The following IMPG1 variants were observed in gnomAD, a reference collection of about 807,000 sequenced individuals.
The protein encoded by IMPG1 is interphotoreceptor matrix proteoglycan of 150 kDa.
Under a neutral mutation model 92.0 loss-of-function variants are expected in IMPG1, and 85 were observed. The observed-to-expected ratio is 0.92, with a 90% CI of 0.78 to 1.11. IMPG1 has a LOEUF of 1.11. IMPG1 is among the 50% of genes least tolerant of loss of function. The pLI, the probability that IMPG1 is intolerant of heterozygous loss-of-function variation, is 0.00. For synonymous variants in IMPG1, 367 were observed against 334.1 expected (o/e 1.10, Z -1.08); for missense variants, 1,022 against 956.0 (o/e 1.07, Z -0.91).
intron 1 of IMPG1, among the ~76,000 whole-genome samples, chr6:76,044,035 C>G (rs1475633611): frequency 1.3e-5 from 2 of 152,178 alleles, no homozygotes; most frequent in African/African-American, 4.8e-5. Flanking sequence ...AATTACAAGG[C>G]AGGGAACTGG....
intron 12 of IMPG1, among the ~76,000 whole-genome samples, chr6:75,982,571 A>ATCTATCTATCTATC (rs1380133285): frequency 6.8e-6 from 1 of 147,784 alleles, no homozygotes. Context: ...CTATATATCT[A>ATCTATCTATCTATC]TATAGATATA....
chr6:76,027,471 T>A (rs1397915699), intron 4 of IMPG1, among the ~76,000 whole-genome samples: 2 of 152,212 alleles, frequency 1.3e-5, no homozygotes, highest in Non-Finnish European at 2.9e-5. Flanking sequence ...TAGATTTACA[T>A]GTAAGGGGTG....
Position 75,950,866 on chromosome 6 carries a change from C to G in IMPG1, c.1520G>C (p.Arg507Pro). 6.2e-7 allele frequency: 1 copy of G among 1,613,840 alleles called. No homozygotes were observed. ...SHPPASSDDS[R>P]SSAGGEDMVR... ...CATATCTTCGCCACCTGCACTTGAT[C>G]GGCTGTCATCTGAAGATGCAGGTGG... is the stretch of plus-strand genomic sequence containing the variant. Residue 507 changes from arginine (R) to proline (P), a missense_variant, in exon 13 of 17, where the codon CGA becomes CCA. Around this residue, in one of 3 missense-constraint regions of IMPG1, gnomAD observed 9 missense variants for 26.2 expected, o/e 0.34. Coordinates refer to ENST00000369950, the MANE Select transcript of IMPG1 (RefSeq NM_001563.4).
At chr6:76,043,303 G>A (rs185121213) in intron 1 of IMPG1, among the ~76,000 whole-genome samples, 62 of 152,142 alleles carry the variant, frequency 4.1e-4, no homozygotes, top group African/African-American at 1.4e-3. Context: ...ATTTTACTAG[G>A]GAAGGCTCTC....
chr6:75,974,318 CCT>C (rs1491247297), intron 12 of IMPG1, among the ~76,000 whole-genome samples: 2 of 125,726 alleles, frequency 1.6e-5, no homozygotes, highest in Admixed American at 8.0e-5. Flanking sequence ...TCTTTCTTTC[CCT>C]CTTTCTTTCC....
chr6:75,965,930 T>A (rs1035005714), intron 12 of IMPG1, among the ~76,000 whole-genome samples: 1 of 152,146 alleles, frequency 6.6e-6, no homozygotes, highest in Non-Finnish European at 1.5e-5. Flanking sequence ...TTACCAGATA[T>A]ATGTTTGCAA....
chr6:76,051,913 T>C (rs1451338209), intron 1 of IMPG1, among the ~76,000 whole-genome samples: 1 of 151,982 alleles, frequency 6.6e-6, no homozygotes, highest in East Asian at 1.9e-4. Context: ...AAATAAGAGG[T>C]TGCTAGTGCC....
In IMPG1 at chr6:76,005,522, T is replaced by C; in HGVS notation, c.900A>G (p.Thr300=). Residue 300 remains threonine, a synonymous_variant, in exon 10 of 17, where the codon ACA becomes ACG. Transcript: ENST00000369950. The part of the protein sequence containing the change: ...PKKEKDGSSS[T]EMQLTAIFKR... Reference sequence around the variant, plus strand: ...TAAAGATGGCCGTAAGTTGCATCTCTGTGGAGCTTGAGCTGTAGATAGCAG... The same window carrying C: ...TAAAGATGGCCGTAAGTTGCATCTCCGTGGAGCTTGAGCTGTAGATAGCAG... 5 of 1,613,978 alleles carry C rather than the reference T, an allele frequency of 3.1e-6. No individual in the cohort carries two copies. Among genetic ancestry groups the C allele is most frequent in the South Asian group, 1.1e-5 (1 of 91,082 alleles).
At chr6:75,937,758 C>T (rs1371678167) in intron 14 of IMPG1, among the ~76,000 whole-genome samples, 3 of 152,242 alleles carry the variant, frequency 2.0e-5, no homozygotes, top group Non-Finnish European at 4.4e-5. Flanking sequence ...AAAACAAGCT[C>T]GTTGAGCCAC....
At chr6:75,931,731 A>G (rs1280392096) in intron 14 of IMPG1, among the ~76,000 whole-genome samples, 1 of 152,178 alleles carries the variant, frequency 6.6e-6, no homozygotes, top group Admixed American at 6.5e-5. Context: ...TTTTGGATTA[A>G]TTATTTCTTC....
chr6:76,053,927 G>A (rs1019164468), intron 1 of IMPG1, among the ~76,000 whole-genome samples: 3 of 152,202 alleles, frequency 2.0e-5, no homozygotes, highest in South Asian at 2.1e-4. Context: ...CTCAAGCAGA[G>A]CAGAATTGGA....
chr6:75,993,992 C>T (rs1467847818), intron 12 of IMPG1, among the ~76,000 whole-genome samples: 1 of 152,196 alleles, frequency 6.6e-6, no homozygotes, highest in African/African-American at 2.4e-5. Flanking sequence ...CAAGCCTCTC[C>T]TCCTGGCCTG....
intron 15 of IMPG1, among the ~76,000 whole-genome samples, chr6:75,927,382 T>A (rs1781573672): frequency 6.6e-6 from 1 of 152,164 alleles, no homozygotes; most frequent in South Asian, 2.1e-4. Context: ...CAGGGTCTAA[T>A]CTATGGTTGA....
At chr6:75,978,882 T>C (rs896874822) in intron 12 of IMPG1, among the ~76,000 whole-genome samples, 1 of 152,166 alleles carries the variant, frequency 6.6e-6, no homozygotes, top group Non-Finnish European at 1.5e-5. Flanking sequence ...GGTCTGCAGA[T>C]AGACAAACTG....
chr6:75,931,084 C>T lies in IMPG1; in HGVS notation c.2112G>A (p.Arg704=). The stretch of plus-strand genomic sequence containing the variant: ...TGCAGCGACACTCCGCTTCCTCAGT[C>T]CGTTCGTTCTTTACACATTGGGCAA... The part of the protein sequence containing the change: ...GEFAQCVKNE[R]TEEAECRCKP... The change falls in exon 15 of 17, where the codon CGG becomes CGA. Residue 704 remains arginine (R), a synonymous_variant. Coordinates refer to ENST00000369950, the MANE Select transcript of IMPG1 (RefSeq NM_001563.4). 1 of 1,614,178 alleles carries T rather than the reference C, an allele frequency of 6.2e-7. No homozygotes were observed.
At chr6:75,922,509 G>A (rs1253309218) in intron 16 of IMPG1, among the ~76,000 whole-genome samples, 1 of 152,180 alleles carries the variant, frequency 6.6e-6, no homozygotes, top group Non-Finnish European at 1.5e-5. Context: ...TCCTCTGAAT[G>A]TCTGTCAACA....
At chr6:75,956,092 C>T (rs961708750) in intron 12 of IMPG1, among the ~76,000 whole-genome samples, 1 of 152,104 alleles carries the variant, frequency 6.6e-6, no homozygotes, top group African/African-American at 2.4e-5. Context: ...GTTTTGATAT[C>T]AGGATGATGC....
At chr6:75,943,935 T>C (rs1041592977) in intron 14 of IMPG1, among the ~76,000 whole-genome samples, 1 of 152,248 alleles carries the variant, frequency 6.6e-6, no homozygotes, top group Non-Finnish European at 1.5e-5. Flanking sequence ...GAAAAAGATG[T>C]AGTTTTGATC....
chr6:76,052,149 G>A (rs2127596287), intron 1 of IMPG1, among the ~76,000 whole-genome samples: 1 of 152,278 alleles, frequency 6.6e-6, no homozygotes, highest in South Asian at 2.1e-4. Flanking sequence ...CGTGCCCAGA[G>A]GGGATGACCC....
Sources: gnomAD v4.1 joint callset for allele counts (sites outside exome capture counted in the v4.1 genomes callset) on GRCh38, gnomAD v4.1.1 for gene constraint, gnomAD v4.1.1 regional missense constraint, MANE v1.5 for transcripts, NCBI Gene and HGNC (gene_info 2026-07-23, HGNC 2026-07-21) for gene names.